Variants in OTOF observed in about 807,000 individuals in gnomAD.
OTOF encodes otoferlin.
Under a neutral mutation model 236.8 loss-of-function variants are expected in OTOF, and 218 were observed. That is an observed-to-expected ratio of 0.92 (90% CI 0.82 to 1.03). OTOF has a LOEUF of 1.03. Among genes scored for constraint, OTOF ranks in the 50% least tolerant of loss-of-function variants. OTOF has a pLI of 0.00. For synonymous variants in OTOF, 1,041 were observed against 1,072.5 expected (o/e 0.97, Z 0.57); for missense variants, 2,590 against 2,694.4 (o/e 0.96, Z 0.86).
At chr2:26,482,981 G>A (rs1430708341) in intron 13 of OTOF, among the ~76,000 whole-genome samples, 16 of 135,980 alleles carry the variant, frequency 1.2e-4, no homozygotes, top group African/African-American at 3.0e-4. Flanking sequence ...GTATGCGTGC[G>A]TGTGTGAGTG....
Position 26,467,394 on chromosome 2 carries a change from TCTC to T in OTOF, c.4195_4197del (p.Glu1399del), listed in dbSNP as rs757193704. On this transcript the variant is annotated inframe_deletion, in exon 34 of 47. Coordinates refer to ENST00000272371, the MANE Select transcript of OTOF (RefSeq NM_194248.3). The stretch of plus-strand genomic sequence containing the variant: ...AGCTCATCAATCTTGGGTTTCTTCT[TCTC>T]GGGGGCCTCGGACCCCTGGCCAGAG... The T allele has an allele frequency of 6.2e-7, 1 of 1,613,806 alleles. No homozygotes were observed.
rs111964688 is a variant in OTOF, at chr2:26,457,339, A to AG, written c.*898dup. On this transcript the variant is annotated 3_prime_UTR_variant, in exon 47 of 47. Coordinates refer to ENST00000272371, the MANE Select transcript of OTOF (RefSeq NM_194248.3). The surrounding 1 kb of genome is among the most constrained non-coding windows in gnomAD (Gnocchi z 4.4). ...TGCAGCTGAAAGGGCTGGAAGGGCA[A>AG]GGGGGCAGGGGTGGGAGGACAGGGT... is the stretch of plus-strand genomic sequence containing the variant. The AG allele has an allele frequency of 0.046, 6,939 of 152,082 alleles. 495 individuals carry two copies. The highest frequency in any genetic ancestry group is 0.15 in the African/African-American group (6,381 of 41,486). The allele number at this position is 152,082 out of a possible 1,614,324, so 9.4% of individuals were successfully genotyped here.
chr2:26,473,635 G>A lies in OTOF; in HGVS notation c.3409-68C>T. ...AGTCAAGGGAGCCAGCCATGGGGGT[G>A]CTGGACCATCCAATAGGGAACCGGG... On this transcript the variant is annotated intron_variant, in intron 27 of 46. Transcript: ENST00000272371. The surrounding 1 kb of genome is among the most constrained non-coding windows in gnomAD (Gnocchi z 7.2). The A allele has an allele frequency of 2.0e-6, 3 of 1,500,464 alleles. No individual in the cohort carries two copies. Among genetic ancestry groups the A allele is most frequent in the Non-Finnish European group, 2.7e-6 (3 of 1,115,380 alleles). 92.9% of individuals were successfully genotyped at this position (1,500,464 alleles called of 1,614,324 possible).
chr2:26,472,450 G>C, intron 30 of OTOF, 69 bp downstream of exon 30: 2 of 1,593,068 alleles, frequency 1.3e-6, no homozygotes, highest in Non-Finnish European at 1.7e-6. Flanking sequence ...CAGATAGTCT[G>C]GTTCACAGGA....
chr2:26,473,644 T>C lies in OTOF; in HGVS notation c.3409-77A>G. 6.9e-7 allele frequency: 1 copy of C among 1,446,824 alleles called. No individual in the cohort carries two copies. Among genetic ancestry groups the C allele is most frequent in the South Asian group, 1.3e-5 (1 of 77,080 alleles). 89.6% of individuals were successfully genotyped at this position (1,446,824 alleles called of 1,614,324 possible). A position where few individuals can be genotyped will look rare whatever the true frequency, so the allele number is the denominator to read the frequency against. On this transcript the variant is annotated intron_variant, in intron 27 of 46. Transcript: ENST00000272371. This position sits in a 1 kb window ranked among gnomAD's most constrained non-coding sequence, Gnocchi z 7.2. ...AGCCAGCCATGGGGGTGCTGGACCA[T>C]CCAATAGGGAACCGGGCAGTGGGAT... is the stretch of plus-strand genomic sequence containing the variant.
intron 3 of OTOF, 50 bp downstream of exon 3, chr2:26,527,782 G>A (rs753511095): frequency 2.9e-6 from 4 of 1,362,628 alleles, no homozygotes; most frequent in Non-Finnish European, 4.2e-6. Flanking sequence ...GAGAAGAGCA[G>A]GCTCCCAGCC....
At chr2:26,553,681 TC>T (rs1428121482) in intron 1 of OTOF, among the ~76,000 whole-genome samples, 1 of 152,126 alleles carries the variant, frequency 6.6e-6, no homozygotes, top group Non-Finnish European at 1.5e-5. Context: ...TTCGGTGGCT[TC>T]TTAAATACCG....
chr2:26,462,126 C>G lies in OTOF; in HGVS notation c.5248G>C (p.Asp1750His). ...CTGGACTTCTCCCCTGTGAAGAAGTCGTCGTCCTCCAAGACCACCTCATCT... is the reference window on the plus strand; with the variant it reads ...CTGGACTTCTCCCCTGTGAAGAAGTGGTCGTCCTCCAAGACCACCTCATCT... Reference protein sequence around the residue: ...NTDEVVLEDDDFFTGEKSSDI... With the variant: ...NTDEVVLEDDHFFTGEKSSDI... Residue 1750 changes from aspartate (D) to histidine (H), a missense_variant, in exon 42 of 47, where the codon GAC (aspartate) becomes CAC (histidine). Physicochemically the swap from Asp to His is moderately conservative, Grantham distance 81. Transcript: ENST00000272371. This position sits in a 1 kb window ranked among gnomAD's most constrained non-coding sequence, Gnocchi z 4.7. 2 of 1,613,812 alleles carry G rather than the reference C, an allele frequency of 1.2e-6. No homozygotes were observed. Among genetic ancestry groups the G allele is most frequent in the East Asian group, 4.5e-5 (2 of 44,860 alleles).
At chr2:26,498,853 T>C (rs1314386361) in intron 8 of OTOF, among the ~76,000 whole-genome samples, 1 of 152,044 alleles carries the variant, frequency 6.6e-6, no homozygotes, top group East Asian at 1.9e-4. Context: ...CATTACCCAC[T>C]CCCCACTTTT....
rs1294296209 is a variant in OTOF, at chr2:26,466,050, G to C, written c.4527C>G (p.Ile1509Met). 6.2e-7 allele frequency: 1 copy of C among 1,614,108 alleles called. No individual in the cohort carries two copies. Among genetic ancestry groups the C allele is most frequent in the Non-Finnish European group, 8.5e-7 (1 of 1,180,058 alleles). ...VRATDLHPAD[I>M]NGKADPYIAI... is the part of the protein sequence containing the mutation. Reference sequence around the variant, plus strand: ...CGATGTAGGGGTCAGCTTTGCCGTTGATGTCAGCAGGGTGCAGGTCCGTGG... The same window carrying C: ...CGATGTAGGGGTCAGCTTTGCCGTTCATGTCAGCAGGGTGCAGGTCCGTGG... Residue 1509 changes from isoleucine (I) to methionine (M), a missense_variant, in exon 37 of 47, where the codon ATC (isoleucine) becomes ATG (methionine). Transcript: ENST00000272371.
chr2:26,500,967 A>G (rs1258608470), intron 8 of OTOF, among the ~76,000 whole-genome samples: 1 of 152,096 alleles, frequency 6.6e-6, no homozygotes, highest in Non-Finnish European at 1.5e-5. Context: ...GCCAGGTGAG[A>G]TCTCTTGCAA....
chr2:26,501,653 C>A, intron 8 of OTOF, 101 bp downstream of exon 8: 1 of 844,478 alleles, frequency 1.2e-6, no homozygotes, highest in East Asian at 2.5e-5. Flanking sequence ...TCTCTATGAC[C>A]CCTGGATCCA....
chr2:26,533,187 A>C (rs1372420698), intron 2 of OTOF, among the ~76,000 whole-genome samples: 1 of 152,188 alleles, frequency 6.6e-6, no homozygotes, highest in African/African-American at 2.4e-5. Context: ...CCTTAAGAGA[A>C]TCTAATGCCT....
At chr2:26,494,390 C>A (rs953843856) in intron 9 of OTOF, among the ~76,000 whole-genome samples, 1 of 152,374 alleles carries the variant, frequency 6.6e-6, no homozygotes, top group African/African-American at 2.4e-5. Context: ...GCCAAGAGGG[C>A]AGAACCCCAC....
chr2:26,494,835 G>A, intron 9 of OTOF, 107 bp downstream of exon 9: 1 of 1,306,876 alleles, frequency 7.7e-7, no homozygotes, highest in Non-Finnish European at 1.1e-6. Flanking sequence ...CCTGCTGGTA[G>A]CCCTGTGTGC....
intron 5 of OTOF, chr2:26,510,558 G>A (rs1558506556): frequency 2.6e-6 from 1 of 387,534 alleles, no homozygotes; most frequent in South Asian, 2.1e-5. Context: ...GGCCTCCCTG[G>A]GCCTCCATGA....
intron 5 of OTOF, among the ~76,000 whole-genome samples, chr2:26,514,883 G>C (rs1666481633): frequency 6.6e-6 from 1 of 152,204 alleles, no homozygotes; most frequent in African/African-American, 2.4e-5. Context: ...GACCAGCCCT[G>C]CCAACCTCTT....
chr2:26,505,723 G>A (rs972151926), intron 5 of OTOF, among the ~76,000 whole-genome samples: 4 of 152,200 alleles, frequency 2.6e-5, no homozygotes, highest in African/African-American at 9.7e-5. Context: ...CGATGCCGTA[G>A]GACTGCACTT....
At chr2:26,493,628 C>A (rs535388736) in intron 9 of OTOF, among the ~76,000 whole-genome samples, 1 of 152,160 alleles carries the variant, frequency 6.6e-6, no homozygotes, top group Admixed American at 6.5e-5. Context: ...ATGCAACAAA[C>A]CACACGGCTC....
Sources: gnomAD v4.1 joint callset for allele counts (sites outside exome capture counted in the v4.1 genomes callset) on GRCh38, gnomAD v4.1.1 for gene constraint, Gnocchi (gnomAD v3.1) non-coding constraint, MANE v1.5 for transcripts, NCBI Gene and HGNC (gene_info 2026-07-23, HGNC 2026-07-21) for gene names.